DPP4: variants seen among roughly 807,000 people sequenced by gnomAD.
The protein encoded by DPP4 is dipeptidyl peptidase 4.
A neutral mutation model predicts 122.4 loss-of-function variants in DPP4; 93 were observed. That is an observed-to-expected ratio of 0.76 (90% confidence interval 0.64 to 0.90). The LOEUF is 0.90. Among genes scored for constraint, DPP4 ranks in the 40% least tolerant of loss-of-function variants. The pLI is 0.00. For synonymous variants in DPP4, 321 were observed against 302.9 expected, an observed-to-expected ratio of 1.06 and a Z score of -0.62; for missense variants, 914 against 907.3, an observed-to-expected ratio of 1.01 and a Z score of -0.09.
chr2:162,074,059 C>T lies in DPP4; in HGVS notation c.-78G>A. On this transcript the variant is annotated 5_prime_UTR_variant, in exon 1 of 26. Coordinates refer to ENST00000360534, the MANE Select transcript of DPP4 (RefSeq NM_001935.4). Reference sequence around the variant, plus strand: ...CACCGCGGGCGGCGGAGACGCGCGTCCTGCACCGCTGCTCCGGGCGGTGGA... The same window carrying T: ...CACCGCGGGCGGCGGAGACGCGCGTTCTGCACCGCTGCTCCGGGCGGTGGA... The T allele has an allele frequency of 6.4e-7, 1 of 1,567,602 alleles. No individual in the cohort carries two copies. Among genetic ancestry groups the T allele is most frequent in the Non-Finnish European group, 8.6e-7 (1 of 1,157,892 alleles).
chr2:162,033,464 G>T, intron 10 of DPP4, 77 bp downstream of exon 10: 2 of 1,043,812 alleles, frequency 1.9e-6, no homozygotes, highest in Non-Finnish European at 2.9e-6. Context: ...GATCCACTTT[G>T]CCATTCACTT....
chr2:162,040,560 G>C (rs1683947576), intron 5 of DPP4, among the ~76,000 whole-genome samples: 3 of 151,648 alleles, frequency 2.0e-5, no homozygotes, highest in South Asian at 2.1e-4. Flanking sequence ...CTGGGGGAAG[G>C]AAGGGATGAA....
At chr2:161,995,095 G>A in intron 24 of DPP4, 61 bp from the exon 25 acceptor site, 1 of 1,574,840 alleles carries the variant, frequency 6.3e-7, no homozygotes, top group South Asian at 1.1e-5. Flanking sequence ...CTGGTACCAA[G>A]GGGTGGGAAA....
chr2:161,994,833 C>A (rs559066850), intron 25 of DPP4, 128 bp downstream of exon 25: 7 of 789,400 alleles, frequency 8.9e-6, no homozygotes, highest in African/African-American at 1.8e-5. Context: ...TCTGACTTCA[C>A]GTTGAAAAAA....
chr2:162,011,700 CT>C (rs1262075436), intron 20 of DPP4, 92 bp downstream of exon 20: 1 of 1,313,722 alleles, frequency 7.6e-7, no homozygotes, highest in South Asian at 1.4e-5. Context: ...TCCCAGAACA[CT>C]TTAAATTATT....
chr2:162,003,453 T>C (rs1701204061), intron 23 of DPP4, among the ~76,000 whole-genome samples: 1 of 152,164 alleles, frequency 6.6e-6, no homozygotes, highest in East Asian at 1.9e-4. Flanking sequence ...GCTGATGTTA[T>C]TTGAGGAGGT....
chr2:162,003,477 T>G (rs1218170173), intron 23 of DPP4, among the ~76,000 whole-genome samples: 7 of 152,294 alleles, frequency 4.6e-5, no homozygotes, highest in East Asian at 1.9e-4. Flanking sequence ...GTAGGTGCCA[T>G]GAACCTCCTT....
intron 22 of DPP4, among the ~76,000 whole-genome samples, chr2:162,007,278 G>A (rs1280796585): frequency 2.0e-5 from 3 of 152,060 alleles, no homozygotes; most frequent in Non-Finnish European, 2.9e-5. Flanking sequence ...TTTTAAGGGC[G>A]AAACACATTT....
At chr2:162,050,560 CTG>C (rs1023658085) in intron 2 of DPP4, among the ~76,000 whole-genome samples, 1 of 152,198 alleles carries the variant, frequency 6.6e-6, no homozygotes, top group African/African-American at 2.4e-5. Context: ...TTACCCTGGT[CTG>C]TGTGAGGTTC....
At chr2:162,012,462 C>T (rs770148386) in intron 19 of DPP4, among the ~76,000 whole-genome samples, 9 of 152,090 alleles carry the variant, frequency 5.9e-5, no homozygotes, top group Admixed American at 2.0e-4. Context: ...CCATAGCACC[C>T]GGCACAGTCT....
intron 25 of DPP4, among the ~76,000 whole-genome samples, 172 bp from the exon 26 acceptor site, chr2:161,993,556 C>T (rs555700707): frequency 6.6e-6 from 1 of 152,196 alleles, no homozygotes; most frequent in Admixed American, 6.5e-5. Flanking sequence ...TCTAATTTTC[C>T]CCCAGAGCTT....
At position 162,020,265 on chromosome 2, in the gene DPP4, T is replaced by A; in HGVS notation, c.1208A>T (p.Glu403Val). 6.2e-7 allele frequency: 1 copy of A among 1,602,834 alleles called. No individual in the cohort carries two copies. The highest frequency in any genetic ancestry group is 1.4e-5 in the African/African-American group (1 of 73,464). ...GGTTAGAGCTTCTATCCCGATGACTTCCCAGGTGCCTTTTGTAATAAATGT... is the reference window on the plus strand; with the variant it reads ...GGTTAGAGCTTCTATCCCGATGACTACCCAGGTGCCTTTTGTAATAAATGT... ...DCTFITKGTW[E>V]VIGIEALTSD... is the part of the protein sequence containing the mutation. The change falls in exon 14 of 26, where the codon GAA (glutamate) becomes GTA (valine). Residue 403 changes from glutamate to valine, a missense_variant. Coordinates refer to ENST00000360534, the MANE Select transcript of DPP4 (RefSeq NM_001935.4).
chr2:162,028,339 G>A (rs954613895), intron 10 of DPP4, among the ~76,000 whole-genome samples: 6 of 152,140 alleles, frequency 3.9e-5, no homozygotes, highest in Non-Finnish European at 7.3e-5. Context: ...TCCAGCCTGG[G>A]TGACAGAGTA....
At chr2:162,036,663 C>T (rs1446941245) in intron 8 of DPP4, among the ~76,000 whole-genome samples, 1 of 152,174 alleles carries the variant, frequency 6.6e-6, no homozygotes, top group East Asian at 1.9e-4. Context: ...GCCTATTCTT[C>T]CTTTGACTGC....
At chr2:162,042,582 A>G (rs1384058356) in intron 5 of DPP4, among the ~76,000 whole-genome samples, 3 of 152,076 alleles carry the variant, frequency 2.0e-5, no homozygotes, top group African/African-American at 4.8e-5. Context: ...GTCAAAACGT[A>G]TATGCTGTAC....
intron 23 of DPP4, among the ~76,000 whole-genome samples, chr2:161,998,615 A>G (rs1382779883): frequency 6.6e-6 from 1 of 152,248 alleles, no homozygotes; most frequent in Non-Finnish European, 1.5e-5. Flanking sequence ...GTTAGGAGAC[A>G]TATAAATACG....
At position 162,045,584 on chromosome 2, in the gene DPP4, T is replaced by C; in HGVS notation, c.314A>G (p.Tyr105Cys). The change falls in exon 5 of 26, where the codon TAT (tyrosine) becomes TGT (cysteine). Residue 105 changes from tyrosine to cysteine, a missense_variant. By Grantham distance (194) the Tyr-to-Cys change is radical. Transcript: ENST00000360534. Reference sequence around the variant, plus strand: ...AAACTGCCCATCAGGAGATATTGAATAATCATTGATAGAATGTCCAAACTC... The same window carrying C: ...AAACTGCCCATCAGGAGATATTGAACAATCATTGATAGAATGTCCAAACTC... ...FDEFGHSINDYSISPDGQFIL... is the reference protein window; with the variant it reads ...FDEFGHSINDCSISPDGQFIL... 6.2e-7 allele frequency: 1 copy of C among 1,612,806 alleles called. No homozygotes were observed. Among genetic ancestry groups the C allele is most frequent in the Non-Finnish European group, 8.5e-7 (1 of 1,179,034 alleles).
intron 23 of DPP4, 78 bp downstream of exon 23, chr2:162,005,667 T>C: frequency 7.9e-7 from 1 of 1,269,658 alleles, no homozygotes; most frequent in Non-Finnish European, 1.1e-6. Flanking sequence ...ATGTATTTTC[T>C]AGAATAGATA....
chr2:162,017,058 T>C (rs199952981), intron 17 of DPP4, 50 bp downstream of exon 17: 2 of 1,567,274 alleles, frequency 1.3e-6, no homozygotes, highest in Non-Finnish European at 1.7e-6. Context: ...GTTAGACTTA[T>C]GCAACACACT....
Sources: gnomAD v4.1 joint callset for allele counts (sites outside exome capture counted in the v4.1 genomes callset) on GRCh38, gnomAD v4.1.1 for gene constraint, MANE v1.5 for transcripts, NCBI Gene and HGNC (gene_info 2026-07-23, HGNC 2026-07-21) for gene names.